SP110: variants seen among roughly 807,000 people sequenced by gnomAD.
SP110 encodes the protein SP110 nuclear body protein.
A neutral mutation model predicts 92.7 loss-of-function variants in SP110; 62 were observed. That is an observed-to-expected ratio of 0.67 (90% CI 0.55 to 0.83). The LOEUF (loss-of-function observed/expected upper bound fraction) is 0.83. Ranked by LOEUF, SP110 falls within the 40% of genes least tolerant of loss-of-function variation. SP110 has a pLI of 0.00. For missense variants in SP110, 793 were observed against 863.9 expected, an observed-to-expected ratio of 0.92 and a Z score of 1.03; for synonymous variants, 273 against 305.3, an observed-to-expected ratio of 0.89 and a Z score of 1.10.
intron 12 of SP110, among the ~76,000 whole-genome samples, chr2:230,182,528 C>T (rs1270498150): frequency 2.6e-5 from 4 of 151,580 alleles, no homozygotes; most frequent in South Asian, 4.2e-4. Context: ...TAGGGGGATT[C>T]ACTTTGGGGT....
chr2:230,180,264 C>A (rs906686785), intron 12 of SP110, among the ~76,000 whole-genome samples: 1 of 152,096 alleles, frequency 6.6e-6, no homozygotes. Flanking sequence ...TGAGGAATAG[C>A]GGCATGGTAA....
chr2:230,208,148 C>T (rs2044082486), intron 7 of SP110, 89 bp from the exon 8 acceptor site: 1 of 782,452 alleles, frequency 1.3e-6, no homozygotes. Flanking sequence ...TTTTGGTCTT[C>T]AAACCACATT....
In SP110 at chr2:230,179,268, C is replaced by T. The variant is rs563103570; in HGVS notation, c.1349-1013G>A. On this transcript the variant is annotated intron_variant, in intron 12 of 18. Coordinates refer to ENST00000258381, the MANE Select transcript of SP110 (RefSeq NM_080424.4). ...TGAGGATGTGATCCCCCCGACAGAA[C>T]CCTACAGGATGCCTGGCCTCACAGG... Among the ~76,000 whole-genome samples, 6 of 152,242 alleles carry T rather than the reference C, an allele frequency of 3.9e-5. No individual in the cohort carries two copies. The East Asian group carries it at 1.2e-3, about 29-fold the overall frequency.
At position 230,210,005 on chromosome 2, in the gene SP110, A is replaced by C; in HGVS notation, c.755T>G (p.Ile252Arg). The C allele has an allele frequency of 6.3e-7, 1 of 1,586,934 alleles. No individual in the cohort carries two copies. The highest frequency in any genetic ancestry group is 8.7e-7 in the Non-Finnish European group (1 of 1,155,248). Reference sequence around the variant, plus strand: ...ATTTGGTTCTGGAGAATTATCTCTTATCTCTGACAAAAGAAATATAAGTCA... The same window carrying C: ...ATTTGGTTCTGGAGAATTATCTCTTCTCTCTGACAAAAGAAATATAAGTCA... ...PHSPLGSMPE[I>R]RDNSPEPNDP... Residue 252 changes from isoleucine (I) to arginine (R), a missense_variant, in exon 7 of 19, where the codon ATA (isoleucine) becomes AGA (arginine). Ile to Arg is a moderately conservative substitution (Grantham distance 97). Transcript: ENST00000258381.
rs1233197623 is a variant in SP110 at position 230,212,333 on chromosome 2, C to A, written c.667+14G>T. 2 of 1,590,662 alleles carry A rather than the reference C, an allele frequency of 1.3e-6. No individual in the cohort carries two copies. The highest frequency in any genetic ancestry group is 1.7e-5 in the Admixed American group (1 of 59,998). ...CACCTTGAGCTAAGCGGTATCAGCC[C>A]CAGTCAGTGTTACCTTGCACAGTGC... On this transcript the variant is annotated intron_variant, in intron 5 of 18. Coordinates refer to ENST00000258381, the MANE Select transcript of SP110 (RefSeq NM_080424.4).
chr2:230,192,143 TAA>T (rs547474314), intron 10 of SP110, among the ~76,000 whole-genome samples: 1,638 of 152,150 alleles, frequency 0.011, 21 homozygotes, highest in African/African-American at 0.037. Flanking sequence ...CTCAAAATAA[TAA>T]GAGCTATTTA....
At chr2:230,184,434 G>A (rs13397352) in intron 11 of SP110, among the ~76,000 whole-genome samples, 4,106 of 152,202 alleles carry the variant, frequency 0.027, 193 homozygotes, top group African/African-American at 0.093. Flanking sequence ...AGCTGCTACT[G>A]GCATCTAATG....
chr2:230,181,124 C>T (rs1240183680), intron 12 of SP110, among the ~76,000 whole-genome samples: 1 of 152,152 alleles, frequency 6.6e-6, no homozygotes, highest in Non-Finnish European at 1.5e-5. Context: ...AAGGGGTGCT[C>T]TAATTCATAT....
intron 14 of SP110, chr2:230,176,383 G>A: frequency 8.8e-7 from 1 of 1,140,930 alleles, no homozygotes; most frequent in South Asian, 1.7e-5. Flanking sequence ...GTCTTGCTAT[G>A]TTGCCTAGGC....
At chr2:230,212,463 A>G in intron 4 of SP110, 33 bp from the exon 5 acceptor site, 1 of 1,492,264 alleles carries the variant, frequency 6.7e-7, no homozygotes, top group Non-Finnish European at 9.4e-7. Flanking sequence ...TACAGATTGC[A>G]GGGACTGGAT....
intron 3 of SP110, 73 bp from the exon 4 acceptor site, chr2:230,213,100 A>G: frequency 6.8e-7 from 1 of 1,470,376 alleles, no homozygotes; most frequent in East Asian, 2.3e-5. Flanking sequence ...ATTTCTTAAT[A>G]CATGCCTTCC....
At chr2:230,212,310 C>T (rs1207720592) in intron 5 of SP110, 37 bp downstream of exon 5, 2 of 1,489,096 alleles carry the variant, frequency 1.3e-6, no homozygotes, top group Non-Finnish European at 1.9e-6. Flanking sequence ...TTCACAGTCA[C>T]CTTGAGCTAA....
chr2:230,200,764 G>A, intron 10 of SP110, 121 bp downstream of exon 10: 1 of 787,638 alleles, frequency 1.3e-6, no homozygotes, highest in Middle Eastern at 3.1e-4. Flanking sequence ...AAATCCAGAA[G>A]GGCTCTCTAG....
At chr2:230,186,181 C>T (rs2148751753) in intron 10 of SP110, 38 bp from the exon 11 acceptor site, 1 of 1,608,786 alleles carries the variant, frequency 6.2e-7, no homozygotes, top group Admixed American at 1.7e-5. Context: ...TAGTGAGCTC[C>T]CTTCTCATGT....
intron 14 of SP110, among the ~76,000 whole-genome samples, chr2:230,176,087 G>A (rs555982888): frequency 4.7e-4 from 72 of 152,086 alleles, no homozygotes; most frequent in Non-Finnish European, 6.2e-4. Context: ...GGGACTACAG[G>A]TGCATGCCAC....
At position 230,211,629 on chromosome 2, in the gene SP110, C is replaced by G. The variant is rs1206827250; in HGVS notation, c.668-76G>C. The stretch of plus-strand genomic sequence containing the variant: ...CAGAATGAGGAGAAAAGAGAATGCT[C>G]TATTCCAACAAGTAAAAATGACGGG... On this transcript the variant is annotated intron_variant, in intron 5 of 18. Transcript: ENST00000258381. This position sits in a 1 kb window ranked among gnomAD's most constrained non-coding sequence, Gnocchi z 4.2. 2.2e-6 allele frequency: 2 copies of G among 906,224 alleles called. No individual in the cohort carries two copies. Among genetic ancestry groups the G allele is most frequent in the African/African-American group, 1.6e-5 (1 of 61,480 alleles). The allele number at this position is 906,224 out of a possible 1,614,324, so 56.1% of individuals were successfully genotyped here.
intron 10 of SP110, among the ~76,000 whole-genome samples, chr2:230,188,770 A>C (rs1242749711): frequency 2.0e-5 from 3 of 152,106 alleles, no homozygotes; most frequent in African/African-American, 7.2e-5. Flanking sequence ...TGTTTTTGTG[A>C]TGTACCACAT....
At chr2:230,173,461 G>A in intron 14 of SP110, 1 of 176,302 alleles carries the variant, frequency 5.7e-6, no homozygotes, top group South Asian at 1.3e-4. Flanking sequence ...CTATGACCCA[G>A]TAAATAACAC....
At chr2:230,221,023 C>G (rs2045771247), upstream of SP110, among the ~76,000 whole-genome samples, 1 of 151,680 alleles carries the variant, frequency 6.6e-6, no homozygotes, top group African/African-American at 2.4e-5. Context: ...TGGCTCACGC[C>G]TGTAATCCCA....
Sources: gnomAD v4.1 joint callset for allele counts (sites outside exome capture counted in the v4.1 genomes callset) on GRCh38, gnomAD v4.1.1 for gene constraint, Gnocchi (gnomAD v3.1) non-coding constraint, MANE v1.5 for transcripts, NCBI Gene and HGNC (gene_info 2026-07-23, HGNC 2026-07-21) for gene names.